The following NBR1 variants were observed in gnomAD, a reference collection of about 807,000 sequenced individuals.
The protein encoded by NBR1 is next to BRCA1 gene 1 protein.
Under a neutral mutation model 115.5 loss-of-function variants are expected in NBR1, and 59 were observed. The observed-to-expected ratio is 0.51, with a 90% CI of 0.41 to 0.63. The LOEUF is 0.63. Ranked by LOEUF, NBR1 falls within the 30% of genes least tolerant of loss-of-function variation. The pLI is 0.00. For missense variants in NBR1, 1,043 were observed against 1,150.5 expected, an observed-to-expected ratio of 0.91 and a Z score of 1.35; for synonymous variants, 373 against 414.7, an observed-to-expected ratio of 0.90 and a Z score of 1.22.
At chr17:43,184,981 C>T (rs931478322) in intron 5 of NBR1, among the ~76,000 whole-genome samples, 1 of 151,236 alleles carries the variant, frequency 6.6e-6, no homozygotes, top group Non-Finnish European at 1.5e-5. Context: ...CCCAGCTACT[C>T]GGGAGGCTGA....
chr17:43,190,057 G>T, intron 8 of NBR1: 5 of 445,746 alleles, frequency 1.1e-5, no homozygotes, highest in East Asian at 8.3e-5. Flanking sequence ...GACAAAATTA[G>T]ATCACTAAGG....
At chr17:43,205,983 G>T (rs1249701599) in intron 20 of NBR1, among the ~76,000 whole-genome samples, 2 of 151,024 alleles carry the variant, frequency 1.3e-5, no homozygotes, top group Non-Finnish European at 2.9e-5. Flanking sequence ...TTCGAGACCA[G>T]CCTGACCCAC....
rs1331885471 is a variant in NBR1 at position 43,196,471 on chromosome 17, C to T, written c.1751-10C>T. On this transcript the variant is annotated splice_polypyrimidine_tract_variant and intron_variant, in intron 14 of 20. Coordinates refer to ENST00000590996, the MANE Select transcript of NBR1 (RefSeq NM_005899.5). ...TCTTGATTGATGGTTCTCCTGTCTT[C>T]ATTCTCCAGATGTGACTCCCTGCAT... 2.6e-6 allele frequency: 4 copies of T among 1,510,164 alleles called. No homozygotes were observed. Among genetic ancestry groups the T allele is most frequent in the Non-Finnish European group, 2.7e-6 (3 of 1,119,024 alleles). 93.5% of individuals were successfully genotyped at this position (1,510,164 alleles called of 1,614,324 possible).
chr17:43,178,239 G>A (rs2056573091), intron 3 of NBR1, among the ~76,000 whole-genome samples: 1 of 151,744 alleles, frequency 6.6e-6, no homozygotes. Context: ...AAGGAAACAG[G>A]GTCTCACTAT....
At chr17:43,189,163 CAGGTGGAATGT>C in intron 7 of NBR1, 44 bp downstream of exon 7, 1 of 1,355,756 alleles carries the variant, frequency 7.4e-7, no homozygotes, top group Non-Finnish European at 1.1e-6. Context: ...GGTGTTGGCA[CAGGTGGAATGT>C]GGAAGAAATA....
chr17:43,184,372 C>CTTTTTTTTTT lies in NBR1; in HGVS notation c.208-1876_208-1867dup, dbSNP rs71160024. Among the ~76,000 whole-genome samples, 675 of 96,188 alleles carry CTTTTTTTTTT rather than the reference C, an allele frequency of 7.0e-3. 59 individuals are homozygous for CTTTTTTTTTT. Among genetic ancestry groups the CTTTTTTTTTT allele is most frequent in the African/African-American group, 0.011 (346 of 30,092 alleles). The allele number at this position is 96,188 out of a possible 152,430, so 63.1% of individuals were successfully genotyped here. A position where few individuals can be genotyped will look rare whatever the true frequency, so the allele number is the denominator to read the frequency against. On this transcript the variant is annotated intron_variant, in intron 5 of 20. Coordinates refer to ENST00000590996, the MANE Select transcript of NBR1 (RefSeq NM_005899.5). ...CCTCTCATCGCCCCAAAATACTATT[C>CTTTTTTTTTT]TTTTTTTTTTTGAGACAGAGTCTCA...
At position 43,190,630 on chromosome 17, in the gene NBR1, C is replaced by T; in HGVS notation, c.717C>T (p.Ile239=). The change falls in exon 9 of 21, where the codon ATC becomes ATT. Residue 239 remains isoleucine, a synonymous_variant. Coordinates refer to ENST00000590996, the MANE Select transcript of NBR1 (RefSeq NM_005899.5). ...YQCSLCPSYN[I]CEDCEAGPYG... is the part of the protein sequence containing the mutation. The stretch of plus-strand genomic sequence containing the variant: ...ACAGCCTATGCCCATCCTACAATAT[C>T]TGTGAAGATTGTGAAGCAGGGCCAT... 1.9e-6 allele frequency: 3 copies of T among 1,595,840 alleles called. No individual in the cohort carries two copies. The highest frequency in any genetic ancestry group is 2.6e-6 in the Non-Finnish European group (3 of 1,171,082).
chr17:43,196,938 T>C lies in NBR1; in HGVS notation c.1862-4T>C. On this transcript the variant is annotated splice_polypyrimidine_tract_variant and splice_region_variant and intron_variant, in intron 15 of 20. Transcript: ENST00000590996. ...AGTGCAGATAAGGTTCGTGTGTCTT[T>C]CAGATTCTATGGTGTCAGTAAAGAG... 6.2e-7 allele frequency: 1 copy of C among 1,613,982 alleles called. No individual in the cohort carries two copies. The highest frequency in any genetic ancestry group is 2.2e-5 in the East Asian group (1 of 44,884).
Position 43,175,815 on chromosome 17 carries a change from A to C in NBR1, c.16A>C (p.Thr6Pro), listed in dbSNP as rs1390014548. The C allele has an allele frequency of 1.3e-5, 20 of 1,590,650 alleles. No homozygotes were observed. The highest frequency in any genetic ancestry group is 1.7e-5 in the Non-Finnish European group (20 of 1,163,200). ...GCCTCACAGCATGGAACCACAGGTTACTCTAAATGTGACTTTTAAAAATGA... is the reference window on the plus strand; with the variant it reads ...GCCTCACAGCATGGAACCACAGGTTCCTCTAAATGTGACTTTTAAAAATGA... Reference protein sequence around the residue: MEPQVTLNVTFKNEIQ... With the variant: MEPQVPLNVTFKNEIQ... The change falls in exon 2 of 21, where the codon ACT becomes CCT. Residue 6 changes from threonine to proline, a missense_variant. By Grantham distance (38) the Thr-to-Pro change is conservative (BLOSUM62 -1). Coordinates refer to ENST00000590996, the MANE Select transcript of NBR1 (RefSeq NM_005899.5).
intron 4 of NBR1, among the ~76,000 whole-genome samples, chr17:43,180,300 A>G (rs1218139492): frequency 6.6e-6 from 1 of 152,208 alleles, no homozygotes; most frequent in Non-Finnish European, 1.5e-5. Context: ...GATATATGGT[A>G]TAACCTATTG....
At chr17:43,206,637 A>G (rs1276065944) in intron 20 of NBR1, among the ~76,000 whole-genome samples, 4 of 151,746 alleles carry the variant, frequency 2.6e-5, no homozygotes, top group African/African-American at 9.7e-5. Context: ...CCTGGGTGAC[A>G]GAGCGAGACT....
intron 5 of NBR1, among the ~76,000 whole-genome samples, chr17:43,183,329 T>C (rs1396564204): frequency 6.6e-6 from 1 of 151,770 alleles, no homozygotes; most frequent in East Asian, 1.9e-4. Context: ...CAAGCAGTTC[T>C]CCTGCCTCAG....
rs2056721620 is a variant in NBR1, at chr17:43,183,354, G to T, written c.207+2537G>T. ...TCCTGCCTCAGCCTCCCGAGTAGCT[G>T]GGACTACGGGCATGCGCCACCACAC... On this transcript the variant is annotated intron_variant, in intron 5 of 20. Coordinates refer to ENST00000590996, the MANE Select transcript of NBR1 (RefSeq NM_005899.5). 1.3e-5 allele frequency among the ~76,000 whole-genome samples: 2 copies of T among 151,646 alleles called. 1 individual carries two copies. The highest frequency in any genetic ancestry group is 4.9e-5 in the African/African-American group (2 of 41,030).
intron 20 of NBR1, among the ~76,000 whole-genome samples, chr17:43,206,117 A>C (rs1221395078): frequency 6.6e-6 from 1 of 150,556 alleles, no homozygotes; most frequent in Non-Finnish European, 1.5e-5. Context: ...CGGATGTTGC[A>C]GTGAGCCGAG....
At chr17:43,206,284 G>A (rs1240942639) in intron 20 of NBR1, among the ~76,000 whole-genome samples, 2 of 152,136 alleles carry the variant, frequency 1.3e-5, no homozygotes, top group African/African-American at 2.4e-5. Flanking sequence ...AGCAATTGAA[G>A]GGTTTTAAGG....
chr17:43,200,588 G>C lies in NBR1; in HGVS notation c.2448G>C (p.Glu816Asp). Reference protein sequence around the residue: ...ETVPLIPEVVELPPSLPRSSP... With the variant: ...ETVPLIPEVVDLPPSLPRSSP... ...TGCCCCTAATCCCAGAGGTAGTGGA[G>C]CTTCCACCGTCACTGCCCAGGTACC... The change falls in exon 17 of 21, where the codon GAG (glutamate) becomes GAC (aspartate). Residue 816 changes from glutamate to aspartate, a missense_variant. By Grantham distance (45) the Glu-to-Asp change is conservative. Coordinates refer to ENST00000590996, the MANE Select transcript of NBR1 (RefSeq NM_005899.5). The C allele has an allele frequency of 6.2e-7, 1 of 1,606,408 alleles. No homozygotes were observed. The highest frequency in any genetic ancestry group is 8.5e-7 in the Non-Finnish European group (1 of 1,174,308).
chr17:43,209,863 T>C (rs1598024596), intron 20 of NBR1, 38 bp from the exon 21 acceptor site: 2 of 74,908 alleles, frequency 2.7e-5, no homozygotes, highest in Admixed American at 3.7e-4. Flanking sequence ...TTATACAGAA[T>C]TTTTTTTTTT....
chr17:43,202,112 G>A (rs1426089651), intron 18 of NBR1, among the ~76,000 whole-genome samples: 1 of 150,118 alleles, frequency 6.7e-6, no homozygotes, highest in Non-Finnish European at 1.5e-5. Context: ...CCTGGGAGGC[G>A]GAGGTTGGAG....
Position 43,193,574 on chromosome 17 carries a change from C to G in NBR1, c.1460C>G (p.Pro487Arg), listed in dbSNP as rs2154582228. Residue 487 changes from proline (P) to arginine (R), a missense_variant, in exon 12 of 21, where the codon CCT becomes CGT. Physicochemically the swap from Pro to Arg is moderately radical, Grantham distance 103. Transcript: ENST00000590996. The stretch of plus-strand genomic sequence containing the variant: ...GATCCTTTCCCCTCCGAAGAGAGCC[C>G]TGATAACATTGAAAAGGGCATGATC... ...IVDPFPSEES[P>R]DNIEKGMISS... The G allele has an allele frequency of 1.2e-6, 2 of 1,612,168 alleles. No individual in the cohort carries two copies. Among genetic ancestry groups the G allele is most frequent in the East Asian group, 2.2e-5 (1 of 44,852 alleles).
Sources: allele counts gnomAD v4.1 joint callset (sites outside exome capture counted in the v4.1 genomes callset), GRCh38; gene constraint gnomAD v4.1.1; transcripts MANE v1.5; gene names NCBI Gene and HGNC (gene_info 2026-07-23, HGNC 2026-07-21).